SH3RF3: variants seen among roughly 807,000 people sequenced by gnomAD.
SH3RF3 encodes the protein E3 ubiquitin-protein ligase SH3RF3.
Under a neutral mutation model 66.3 loss-of-function variants are expected in SH3RF3, and 29 were observed. The ratio of observed to expected loss-of-function variants is 0.44; its 90% confidence interval spans 0.33 to 0.60. SH3RF3 has a LOEUF of 0.60. Ranked by LOEUF, SH3RF3 falls within the 20% of genes least tolerant of loss-of-function variation. The pLI, the probability that SH3RF3 is intolerant of heterozygous loss-of-function variation, is 0.04. For missense variants in SH3RF3, 1,194 were observed against 1,190.9 expected (o/e 1.00, Z -0.04); for synonymous variants, 583 against 532.0 (o/e 1.10, Z -1.32).
At chr2:109,462,563 G>A (rs932043304) in intron 8 of SH3RF3, among the ~76,000 whole-genome samples, 4 of 152,146 alleles carry the variant, frequency 2.6e-5, no homozygotes, top group African/African-American at 9.7e-5. Flanking sequence ...TCAAGTCTTT[G>A]ATGGTGGCAC....
intron 1 of SH3RF3, among the ~76,000 whole-genome samples, chr2:109,262,228 A>G (rs1007061424): frequency 6.6e-6 from 1 of 152,234 alleles, no homozygotes; most frequent in Non-Finnish European, 1.5e-5. Context: ...ATGATTCTGC[A>G]TTTAACCATC....
intron 1 of SH3RF3, among the ~76,000 whole-genome samples, chr2:109,220,409 G>GA (rs910924242): frequency 6.6e-6 from 1 of 151,952 alleles, no homozygotes; most frequent in African/African-American, 2.4e-5. Flanking sequence ...GGCAATACAA[G>GA]AAAAAAATAC....
At chr2:109,195,555 C>T (rs1316443684) in intron 1 of SH3RF3, among the ~76,000 whole-genome samples, 1 of 152,198 alleles carries the variant, frequency 6.6e-6, no homozygotes, top group Non-Finnish European at 1.5e-5. Context: ...CCCATTTGCA[C>T]CTAACCCTCG....
At chr2:109,329,563 G>A (rs1682237217) in intron 1 of SH3RF3, among the ~76,000 whole-genome samples, 1 of 152,196 alleles carries the variant, frequency 6.6e-6, no homozygotes, top group Non-Finnish European at 1.5e-5. Flanking sequence ...CAGCCTTCCT[G>A]CAGCAAGTTT....
intron 1 of SH3RF3, chr2:109,251,334 A>G (rs1036384748): frequency 2.8e-5 from 14 of 501,306 alleles, no homozygotes; most frequent in African/African-American, 2.7e-4. Context: ...AGAATTAGAG[A>G]GATGCAAGAC....
At chr2:109,408,849 T>A (rs1029500312) in intron 4 of SH3RF3, among the ~76,000 whole-genome samples, 1 of 152,106 alleles carries the variant, frequency 6.6e-6, no homozygotes, top group African/African-American at 2.4e-5. Flanking sequence ...GCCTGATGGG[T>A]GCGCACAGGG....
chr2:109,191,193 T>C lies in SH3RF3; in HGVS notation c.573+61080T>C, dbSNP rs916273799. On this transcript the variant is annotated intron_variant, in intron 1 of 9. Coordinates refer to ENST00000309415, the MANE Select transcript of SH3RF3 (RefSeq NM_001099289.3). The stretch of plus-strand genomic sequence containing the variant: ...CAACCGGGTAGGAGGAAGGATGCAG[T>C]GATGCCACTGGGATGGGTGACACCT... Among the ~76,000 whole-genome samples the C allele has an allele frequency of 2.6e-5, 4 of 152,218 alleles. No homozygotes were observed. In the South Asian group the frequency reaches 8.3e-4, roughly 32 times the overall value.
chr2:109,449,551 G>A (rs1254024136), intron 8 of SH3RF3, 62 bp downstream of exon 8: 1 of 1,550,870 alleles, frequency 6.4e-7, no homozygotes, highest in African/African-American at 1.4e-5. Context: ...TAACTTTTTG[G>A]CACTAGATGG....
intron 4 of SH3RF3, among the ~76,000 whole-genome samples, chr2:109,402,947 T>C (rs1314787921): frequency 6.6e-6 from 1 of 152,166 alleles, no homozygotes; most frequent in Non-Finnish European, 1.5e-5. Context: ...GATGGGCTGC[T>C]TGCTGGGCAC....
intron 9 of SH3RF3, 76 bp downstream of exon 9, chr2:109,491,012 A>AG: frequency 7.5e-7 from 1 of 1,330,410 alleles, no homozygotes; most frequent in African/African-American, 1.5e-5. Flanking sequence ...TTCGGGGAGC[A>AG]GGGACACTGT....
intron 1 of SH3RF3, among the ~76,000 whole-genome samples, chr2:109,161,964 A>C (rs998177435): frequency 2.6e-5 from 4 of 151,948 alleles, no homozygotes; most frequent in African/African-American, 9.7e-5. Flanking sequence ...TGTGTATCTT[A>C]TATGTCGCAG....
intron 8 of SH3RF3, among the ~76,000 whole-genome samples, chr2:109,456,552 A>T (rs1212691953): frequency 6.6e-6 from 1 of 152,162 alleles, no homozygotes; most frequent in Non-Finnish European, 1.5e-5. Context: ...GCCTGGTCTG[A>T]GCAGAGGTCA....
At chr2:109,291,269 C>T (rs1048038774) in intron 1 of SH3RF3, among the ~76,000 whole-genome samples, 10 of 148,342 alleles carry the variant, frequency 6.7e-5, no homozygotes, top group Non-Finnish European at 1.5e-4. Flanking sequence ...GAAAAAGAAA[C>T]AGAGTAATCT....
At chr2:109,301,287 T>C (rs1225547203) in intron 1 of SH3RF3, among the ~76,000 whole-genome samples, 3 of 151,328 alleles carry the variant, frequency 2.0e-5, no homozygotes, top group Non-Finnish European at 4.4e-5. Context: ...GTGTGTGGTG[T>C]GTGTCTGTGT....
At chr2:109,393,710 A>G (rs943032123) in intron 3 of SH3RF3, among the ~76,000 whole-genome samples, 1 of 151,846 alleles carries the variant, frequency 6.6e-6, no homozygotes, top group African/African-American at 2.4e-5. Flanking sequence ...CCTGTCGCTC[A>G]GTGCTGAGGT....
chr2:109,390,118 C>A (rs116335479), intron 3 of SH3RF3, among the ~76,000 whole-genome samples: 124 of 152,306 alleles, frequency 8.1e-4, no homozygotes, highest in African/African-American at 2.7e-3. Context: ...GGAGGCCATG[C>A]GGGTCCCCAC....
intron 1 of SH3RF3, among the ~76,000 whole-genome samples, chr2:109,255,505 G>A (rs1680202886): frequency 6.6e-6 from 1 of 152,194 alleles, no homozygotes; most frequent in Non-Finnish European, 1.5e-5. Flanking sequence ...TTTATTCACA[G>A]AAGAGGCAAA....
intron 1 of SH3RF3, among the ~76,000 whole-genome samples, chr2:109,161,000 T>C (rs1677475087): frequency 6.6e-6 from 1 of 152,056 alleles, no homozygotes. Context: ...CTGGGAGAAC[T>C]GAGCCTGGCA....
chr2:109,434,932 T>C (rs1043468078), intron 6 of SH3RF3, among the ~76,000 whole-genome samples: 1 of 152,202 alleles, frequency 6.6e-6, no homozygotes, highest in Non-Finnish European at 1.5e-5. Context: ...AGGGAGTTTG[T>C]TATGGGAAGA....
Sources: allele counts gnomAD v4.1 joint callset (sites outside exome capture counted in the v4.1 genomes callset), GRCh38; gene constraint gnomAD v4.1.1; transcripts MANE v1.5; gene names NCBI Gene and HGNC (gene_info 2026-07-23, HGNC 2026-07-21).